The following IL1RAPL1 variants were observed in gnomAD, a reference collection of about 807,000 sequenced individuals.
IL1RAPL1 encodes interleukin-1 receptor accessory protein-like 1.
IL1RAPL1 carries 3 observed loss-of-function variants against 48.4 expected under a neutral mutation model. The observed-to-expected ratio is 0.06, with a 90% confidence interval of 0.03 to 0.16. The LOEUF is 0.16. Among genes scored for constraint, IL1RAPL1 ranks in the 10% least tolerant of loss-of-function variants. The pLI is 1.00. For synonymous variants in IL1RAPL1, 185 were observed against 187.7 expected (o/e 0.99, Z 0.12); for missense variants, 349 against 530.6 (o/e 0.66, Z 3.36).
chrX:29,840,127 A>G (rs1396492998), intron 6 of IL1RAPL1, among the ~76,000 whole-genome samples: 2 of 111,861 alleles, frequency 1.8e-5, no homozygotes, highest in African/African-American at 3.3e-5. Flanking sequence ...TGGCCATTGA[A>G]GAGGCTGAGT....
intron 2 of IL1RAPL1, among the ~76,000 whole-genome samples, chrX:29,036,745 C>G (rs774636545): frequency 9.0e-6 from 1 of 111,170 alleles, no homozygotes; most frequent in South Asian, 3.8e-4. Context: ...TCTCAAAATT[C>G]TATTATTTTG....
chrX:28,895,728 T>C (rs1206437252), intron 2 of IL1RAPL1, among the ~76,000 whole-genome samples: 1 of 111,403 alleles, frequency 9.0e-6, no homozygotes, highest in Non-Finnish European at 1.9e-5. Context: ...GAAAAGAAGG[T>C]AATGTGGAGT....
In IL1RAPL1 at chrX:29,845,337, A is replaced by G. The variant is rs73221613; in HGVS notation, c.779-72127A>G. Among the ~76,000 whole-genome samples, 909 of 111,811 alleles carry G rather than the reference A, an allele frequency of 8.1e-3. 8 individuals carry two copies. The highest frequency in any genetic ancestry group is 0.015 in the Admixed American group (155 of 10,494). On this transcript the variant is annotated intron_variant, in intron 6 of 10. Transcript: ENST00000378993. ...CAGTGTGACTAGAACCCAGAAAGCC[A>G]GGGGGAAGAGTGTTTGAAGATGATT...
chrX:28,761,055 C>G (rs1438055726), intron 1 of IL1RAPL1, among the ~76,000 whole-genome samples: 1 of 104,810 alleles, frequency 9.5e-6, no homozygotes, highest in Non-Finnish European at 1.9e-5. Context: ...CCACTGCACT[C>G]CAGCCTGGGC....
rs150740677 is a variant in IL1RAPL1 at position 29,744,758 on chromosome X, G to A, written c.778+76254G>A. On this transcript the variant is annotated intron_variant, in intron 6 of 10. Coordinates refer to ENST00000378993, the MANE Select transcript of IL1RAPL1 (RefSeq NM_014271.4). ...CATATTCAGTGATTAAAAATGAGTC[G>A]TTTTTTAAAATTTTCAAATCTGACA... Among the ~76,000 whole-genome samples the A allele has an allele frequency of 8.5e-3, 948 of 111,688 alleles. 9 individuals are homozygous for A. The highest frequency in any genetic ancestry group is 0.029 in the African/African-American group (907 of 30,792).
intron 5 of IL1RAPL1, among the ~76,000 whole-genome samples, chrX:29,440,188 C>T (rs901484361): frequency 3.7e-5 from 4 of 109,386 alleles, no homozygotes; most frequent in East Asian, 5.7e-4. Flanking sequence ...GAATTTTATT[C>T]GAAGAGATAT....
chrX:28,956,145 C>T (rs1255749819), intron 2 of IL1RAPL1, among the ~76,000 whole-genome samples: 2 of 108,023 alleles, frequency 1.9e-5, no homozygotes, highest in Non-Finnish European at 3.8e-5. Flanking sequence ...TGCTTATCAG[C>T]TTAAGGAGAT....
chrX:29,470,552 A>T (rs1259629191), intron 5 of IL1RAPL1, among the ~76,000 whole-genome samples: 3 of 111,262 alleles, frequency 2.7e-5, no homozygotes, highest in African/African-American at 9.8e-5. Flanking sequence ...TTCTTATACA[A>T]TTTTATTAAT....
chrX:28,942,381 A>G (rs928595413), intron 2 of IL1RAPL1: 1 of 109,778 alleles, frequency 9.1e-6, no homozygotes, highest in South Asian at 3.7e-4. Context: ...AATATATACA[A>G]TGTAATGTTA....
At chrX:29,598,542 A>G (rs954828168) in intron 5 of IL1RAPL1, among the ~76,000 whole-genome samples, 1 of 111,365 alleles carries the variant, frequency 9.0e-6, no homozygotes, top group African/African-American at 3.3e-5. Context: ...TTTTAAGTCC[A>G]TTTGTTCTAG....
intron 2 of IL1RAPL1, among the ~76,000 whole-genome samples, chrX:29,221,068 C>T (rs1930964363): frequency 9.0e-6 from 1 of 110,900 alleles, no homozygotes; most frequent in Non-Finnish European, 1.9e-5. Flanking sequence ...TACAGGCACC[C>T]GCCACCACGC....
At chrX:29,547,528 C>A (rs1273405552) in intron 5 of IL1RAPL1, among the ~76,000 whole-genome samples, 2 of 111,644 alleles carry the variant, frequency 1.8e-5, no homozygotes. Context: ...AAGCTTAGTT[C>A]TACACTTAAG....
intron 5 of IL1RAPL1, among the ~76,000 whole-genome samples, chrX:29,420,729 G>C (rs933892137): frequency 8.9e-6 from 1 of 112,596 alleles, no homozygotes; most frequent in African/African-American, 3.2e-5. Flanking sequence ...AGTTGGGAAT[G>C]TATTTTAGAA....
At chrX:28,830,223 T>C (rs1782267011) in intron 2 of IL1RAPL1, among the ~76,000 whole-genome samples, 1 of 111,925 alleles carries the variant, frequency 8.9e-6, no homozygotes, top group South Asian at 3.7e-4. Flanking sequence ...TGTTAATTCT[T>C]TTTTAAATGC....
chrX:29,289,804 C>T (rs1932343445), intron 3 of IL1RAPL1, among the ~76,000 whole-genome samples: 1 of 112,175 alleles, frequency 8.9e-6, no homozygotes, highest in East Asian at 2.8e-4. Flanking sequence ...CTAAGTATTT[C>T]ATTTTCTTTG....
At chrX:29,379,746 C>T (rs984373006) in intron 3 of IL1RAPL1, among the ~76,000 whole-genome samples, 2 of 112,077 alleles carry the variant, frequency 1.8e-5, no homozygotes, top group African/African-American at 6.5e-5. Context: ...TTTCCATCCA[C>T]TCTTGGCATT....
intron 1 of IL1RAPL1, among the ~76,000 whole-genome samples, chrX:28,725,914 C>T (rs1935669777): frequency 8.9e-6 from 1 of 112,088 alleles, no homozygotes; most frequent in Admixed American, 9.5e-5. Context: ...TTTAGAAAAG[C>T]ATCATGTACT....
At chrX:29,729,859 G>A (rs1429323569) in intron 6 of IL1RAPL1, among the ~76,000 whole-genome samples, 2 of 111,308 alleles carry the variant, frequency 1.8e-5, no homozygotes, top group South Asian at 3.8e-4. Context: ...CTATCCAAAC[G>A]GAAAGTGGAA....
At chrX:29,741,987 A>G (rs1285399783) in intron 6 of IL1RAPL1, among the ~76,000 whole-genome samples, 1 of 108,183 alleles carries the variant, frequency 9.2e-6, no homozygotes, top group Non-Finnish European at 1.9e-5. Context: ...TTGACCATAT[A>G]CGATCTCTTA....
Sources: gnomAD v4.1 joint callset for allele counts (sites outside exome capture counted in the v4.1 genomes callset) on GRCh38, gnomAD v4.1.1 for gene constraint, MANE v1.5 for transcripts, NCBI Gene and HGNC (gene_info 2026-07-23, HGNC 2026-07-21) for gene names.